Variants in ATG14 observed in about 807,000 individuals in gnomAD.
ATG14 encodes autophagy related 14.
A neutral mutation model predicts 60.4 loss-of-function variants in ATG14; 35 were observed. That is an observed-to-expected ratio of 0.58 (90% CI 0.44 to 0.77). The LOEUF is 0.77. Ranked by LOEUF, ATG14 falls within the 30% of genes least tolerant of loss-of-function variation. ATG14 has a pLI of 0.00. For synonymous variants in ATG14, 234 were observed against 228.8 expected (o/e 1.02, Z -0.21); for missense variants, 647 against 626.3 (o/e 1.03, Z -0.35).
At chr14:55,402,939 AT>A (rs1241225515) in intron 1 of ATG14, among the ~76,000 whole-genome samples, 2 of 42,436 alleles carry the variant, frequency 4.7e-5, no homozygotes, top group Admixed American at 4.6e-4. Context: ...ATATATATAT[AT>A]ATATATATAT....
At chr14:55,392,475 C>T (rs1434286798) in intron 3 of ATG14, among the ~76,000 whole-genome samples, 1 of 151,996 alleles carries the variant, frequency 6.6e-6, no homozygotes, top group East Asian at 1.9e-4. Flanking sequence ...TGGCGAAACC[C>T]CATCTCTACC....
intron 3 of ATG14, among the ~76,000 whole-genome samples, chr14:55,393,247 T>C (rs979074505): frequency 1.2e-4 from 18 of 151,516 alleles, no homozygotes; most frequent in African/African-American, 4.1e-4. Flanking sequence ...TAGCCGGGCG[T>C]GGTGGTGGGC....
At chr14:55,380,149 G>C (rs1885000408) in intron 7 of ATG14, among the ~76,000 whole-genome samples, 1 of 152,172 alleles carries the variant, frequency 6.6e-6, no homozygotes, top group South Asian at 2.1e-4. Context: ...ACAGGAGGCT[G>C]AGGAGGGAGG....
rs541092841 is a variant in ATG14, at chr14:55,369,819, C to T, written c.1279G>A (p.Glu427Lys). 68 of 1,614,210 alleles carry T rather than the reference C, an allele frequency of 4.2e-5. No homozygotes were observed. Among genetic ancestry groups the T allele is most frequent in the African/African-American group, 1.1e-4 (8 of 75,052 alleles). Reference sequence around the variant, plus strand: ...CAGTCTGTGCCCAGGTCGGTTTCTTCATCGCTGACGCGCTCATCTCCGCTC... The same window carrying T: ...CAGTCTGTGCCCAGGTCGGTTTCTTTATCGCTGACGCGCTCATCTCCGCTC... ...DESGDERVSD[E>K]ETDLGTDWEN... The change falls in exon 10 of 10, where the codon GAA (glutamate) becomes AAA (lysine). Residue 427 changes from glutamate to lysine, a missense_variant. Transcript: ENST00000247178.
rs1005898514 is a variant in ATG14, at chr14:55,377,783, A to G, written c.1172+36T>C. 7 of 1,471,446 alleles carry G rather than the reference A, an allele frequency of 4.8e-6. No individual in the cohort carries two copies. The African/African-American group carries it at 9.9e-5, about 21-fold the overall frequency. 91.1% of individuals were successfully genotyped at this position (1,471,446 alleles called of 1,614,324 possible). A position where few individuals can be genotyped will look rare whatever the true frequency, so the allele number is the denominator to read the frequency against. ...TACAACTCCTCTAACAGGATTCACAAAAACACTTAGAGAAAAGCAACAAAT... is the reference window on the plus strand; with the variant it reads ...TACAACTCCTCTAACAGGATTCACAGAAACACTTAGAGAAAAGCAACAAAT... On this transcript the variant is annotated intron_variant, in intron 9 of 9. Transcript: ENST00000247178.
chr14:55,391,426 A>C (rs1241571146), intron 3 of ATG14: 1 of 149,098 alleles, frequency 6.7e-6, no homozygotes, highest in Non-Finnish European at 1.5e-5. Flanking sequence ...CAGTGAGCCG[A>C]GATCACGCCA....
intron 1 of ATG14, among the ~76,000 whole-genome samples, chr14:55,410,356 A>C (rs1885552385): frequency 6.6e-6 from 1 of 152,202 alleles, no homozygotes. Context: ...ACAGACAAGA[A>C]GGTCCAGAAC....
In ATG14 at chr14:55,367,890, C is replaced by T. The variant is rs1435484990; in HGVS notation, c.*1729G>A. ...AAAACTATACAAAACACCAAATATA[C>T]CATTAGCAAAAGCTATATAGCACCT... is the stretch of plus-strand genomic sequence containing the variant. On this transcript the variant is annotated 3_prime_UTR_variant, in exon 10 of 10. Transcript: ENST00000247178. The T allele has an allele frequency of 6.6e-6, 1 of 152,426 alleles. No individual in the cohort carries two copies. Among genetic ancestry groups the T allele is most frequent in the East Asian group, 1.9e-4 (1 of 5,196 alleles). 9.4% of individuals were successfully genotyped at this position (152,426 alleles called of 1,614,324 possible). A position where few individuals can be genotyped will look rare whatever the true frequency, so the allele number is the denominator to read the frequency against.
intron 1 of ATG14, among the ~76,000 whole-genome samples, chr14:55,409,223 C>A (rs1300999695): frequency 6.6e-6 from 1 of 152,188 alleles, no homozygotes; most frequent in Non-Finnish European, 1.5e-5. Flanking sequence ...GGATAACTCC[C>A]AGTTTTCTGG....
chr14:55,393,355 A>C (rs1885256496), intron 3 of ATG14, among the ~76,000 whole-genome samples: 1 of 152,100 alleles, frequency 6.6e-6, no homozygotes, highest in Non-Finnish European at 1.5e-5. Context: ...ACTGCACTCC[A>C]GCCTGGGTGA....
At chr14:55,395,235 C>G (rs1026350670) in intron 3 of ATG14, 2 of 361,800 alleles carry the variant, frequency 5.5e-6, no homozygotes, top group African/African-American at 4.3e-5. Context: ...CTTGGGCATC[C>G]TGGCTGCAGG....
intron 2 of ATG14, among the ~76,000 whole-genome samples, chr14:55,396,772 A>G (rs1416996372): frequency 6.6e-6 from 1 of 152,182 alleles, no homozygotes; most frequent in African/African-American, 2.4e-5. Context: ...AGAAGGTTCT[A>G]TAGGACAATT....
intron 3 of ATG14, among the ~76,000 whole-genome samples, chr14:55,391,776 C>T (rs1207693274): frequency 1.3e-5 from 2 of 152,190 alleles, no homozygotes; most frequent in Non-Finnish European, 2.9e-5. Flanking sequence ...TGACGTGCAG[C>T]TCCAAACCTC....
chr14:55,401,828 C>A (rs1430478536), intron 1 of ATG14, among the ~76,000 whole-genome samples: 2 of 152,168 alleles, frequency 1.3e-5, no homozygotes, highest in Non-Finnish European at 2.9e-5. Flanking sequence ...CCTGTCCAAG[C>A]TGAGACCTGA....
chr14:55,390,231 C>G (rs188542240), intron 4 of ATG14, among the ~76,000 whole-genome samples: 8,842 of 152,014 alleles, frequency 0.058, 320 homozygotes, highest in South Asian at 0.089. Context: ...CCACCACGCC[C>G]GGCTAATTTT....
intron 9 of ATG14, among the ~76,000 whole-genome samples, chr14:55,372,067 TTCCGATTCCTC>T (rs1306572079): frequency 2.0e-5 from 3 of 152,158 alleles, no homozygotes. Flanking sequence ...GAGCCATCTT[TTCCGATTCCTC>T]TCCTAGCGCC....
chr14:55,404,799 G>A (rs973144766), intron 1 of ATG14, among the ~76,000 whole-genome samples: 4 of 152,156 alleles, frequency 2.6e-5, no homozygotes, highest in Non-Finnish European at 5.9e-5. Flanking sequence ...CACACATGCA[G>A]AGTATAAAAA....
At chr14:55,398,549 A>C (rs183205724) in intron 1 of ATG14, among the ~76,000 whole-genome samples, 4 of 152,264 alleles carry the variant, frequency 2.6e-5, no homozygotes, top group Admixed American at 2.0e-4. Flanking sequence ...CATATTGTTT[A>C]ATTTTCAGAT....
chr14:55,374,509 G>A (rs1038954527), intron 9 of ATG14, among the ~76,000 whole-genome samples: 1 of 152,174 alleles, frequency 6.6e-6, no homozygotes, highest in Non-Finnish European at 1.5e-5. Context: ...GTTTATGGCA[G>A]CTTTCACTAG....
Sources: allele counts gnomAD v4.1 joint callset (sites outside exome capture counted in the v4.1 genomes callset), GRCh38; gene constraint gnomAD v4.1.1; transcripts MANE v1.5; gene names NCBI Gene and HGNC (gene_info 2026-07-23, HGNC 2026-07-21).